Variants in NOX3 observed in about 807,000 individuals in gnomAD.
The protein encoded by NOX3 is NADPH oxidase catalytic subunit-like 3.
A neutral mutation model predicts 76.7 loss-of-function variants in NOX3; 74 were observed. That is an observed-to-expected ratio of 0.96 (90% CI 0.80 to 1.17). The LOEUF (loss-of-function observed/expected upper bound fraction) is 1.17, where lower values mean the gene tolerates loss of function less well. Ranked by LOEUF, NOX3 falls within the 50% of genes most tolerant of loss-of-function variation. The probability of loss-of-function intolerance (pLI) is 0.00; values close to 1 mark genes in which losing one functional copy is unlikely to be tolerated. For synonymous variants in NOX3, 263 were observed against 261.1 expected (o/e 1.01, Z -0.07); for missense variants, 695 against 703.3 (o/e 0.99, Z 0.13).
At chr6:155,408,953 G>T (rs530015765) in intron 11 of NOX3, among the ~76,000 whole-genome samples, 4 of 151,378 alleles carry the variant, frequency 2.6e-5, no homozygotes, top group Non-Finnish European at 5.9e-5. Flanking sequence ...GGCTCCAAAA[G>T]GGGGGGAGGG....
At chr6:155,450,497 C>G (rs1777119618) in intron 4 of NOX3, among the ~76,000 whole-genome samples, 1 of 152,186 alleles carries the variant, frequency 6.6e-6, no homozygotes, top group Non-Finnish European at 1.5e-5. Context: ...TTGAGGACCT[C>G]CTGTGCGCCA....
At chr6:155,445,981 CTATA>C (rs61040526) in intron 4 of NOX3, among the ~76,000 whole-genome samples, 4 of 104,188 alleles carry the variant, frequency 3.8e-5, no homozygotes, top group East Asian at 2.1e-4. Flanking sequence ...TATATATATG[CTATA>C]TATATATATA....
Position 155,453,428 on chromosome 6 carries a change from C to T in NOX3, c.316G>A (p.Ala106Thr), listed in dbSNP as rs941574597. ...CTTGCATTAACAGCTATCCCATAGGCGACCAGTTTGTGAAATCTGAGGTTT... is the reference window on the plus strand; with the variant it reads ...CTTGCATTAACAGCTATCCCATAGGTGACCAGTTTGTGAAATCTGAGGTTT... ...DKNLRFHKLV[A>T]YGIAVNATIH... is the part of the protein sequence containing the mutation. Residue 106 changes from alanine (A) to threonine (T), a missense_variant, in exon 4 of 14, where the codon GCC becomes ACC. Coordinates refer to ENST00000159060, the MANE Select transcript of NOX3 (RefSeq NM_015718.3). The T allele has an allele frequency of 1.5e-5, 24 of 1,613,468 alleles. No individual in the cohort carries two copies. The highest frequency in any genetic ancestry group is 4.0e-5 in the African/African-American group (3 of 75,002).
At chr6:155,403,444 A>G (rs10484603) in intron 12 of NOX3, among the ~76,000 whole-genome samples, 9,126 of 152,264 alleles carry the variant, frequency 0.06, 359 homozygotes, top group Non-Finnish European at 0.09. Context: ...GTCTAAGGCT[A>G]TTACAAATAT....
intron 9 of NOX3, among the ~76,000 whole-genome samples, chr6:155,426,810 T>A (rs937451506): frequency 1.3e-5 from 2 of 152,048 alleles, no homozygotes; most frequent in Non-Finnish European, 2.9e-5. Flanking sequence ...AGTACTGAGT[T>A]CTTCTTGGGG....
At chr6:155,402,426 A>G (rs1413545924) in intron 12 of NOX3, among the ~76,000 whole-genome samples, 1 of 152,224 alleles carries the variant, frequency 6.6e-6, no homozygotes, top group Non-Finnish European at 1.5e-5. Flanking sequence ...GTGTTTTTGT[A>G]ATATAGCTAA....
chr6:155,418,923 C>T (rs1776654913), intron 10 of NOX3, among the ~76,000 whole-genome samples: 1 of 152,258 alleles, frequency 6.6e-6, no homozygotes. Context: ...CACCTAATCG[C>T]AGTTAACCAT....
intron 5 of NOX3, among the ~76,000 whole-genome samples, chr6:155,440,874 C>T (rs541918861): frequency 1.8e-4 from 27 of 152,236 alleles, no homozygotes; most frequent in Non-Finnish European, 3.2e-4. Flanking sequence ...TCCCTTGGGG[C>T]GTTCCTAATA....
chr6:155,426,520 C>T (rs1356155687), intron 9 of NOX3, among the ~76,000 whole-genome samples: 1 of 152,116 alleles, frequency 6.6e-6, no homozygotes, highest in Non-Finnish European at 1.5e-5. Context: ...AAGCAAAGGC[C>T]TCACTAGAAG....
chr6:155,407,311 A>T, intron 11 of NOX3, 57 bp from the exon 12 acceptor site: 1 of 1,466,098 alleles, frequency 6.8e-7, no homozygotes, highest in Admixed American at 1.9e-5. Flanking sequence ...AGACTTCTAT[A>T]AATAAAGAAT....
At chr6:155,417,218 T>C (rs1776632243) in intron 10 of NOX3, among the ~76,000 whole-genome samples, 1 of 152,192 alleles carries the variant, frequency 6.6e-6, no homozygotes, top group Admixed American at 6.5e-5. Context: ...TCCTCTGCCT[T>C]CTACACACAC....
chr6:155,447,953 T>C (rs1386929204), intron 4 of NOX3, among the ~76,000 whole-genome samples: 2 of 152,212 alleles, frequency 1.3e-5, no homozygotes, highest in African/African-American at 2.4e-5. Context: ...TTTAAAAATA[T>C]AAGTAGCCAT....
chr6:155,401,404 A>G (rs1779224292), intron 12 of NOX3, among the ~76,000 whole-genome samples: 1 of 152,170 alleles, frequency 6.6e-6, no homozygotes, highest in South Asian at 2.1e-4. Flanking sequence ...AGTATTCTGA[A>G]CATTTTAGTC....
At chr6:155,452,030 A>G (rs1240542749) in intron 4 of NOX3, among the ~76,000 whole-genome samples, 4 of 152,108 alleles carry the variant, frequency 2.6e-5, no homozygotes, top group Non-Finnish European at 5.9e-5. Context: ...AAGCTATTGT[A>G]TTGTGATAAT....
intron 3 of NOX3, among the ~76,000 whole-genome samples, chr6:155,454,294 G>C (rs918228638): frequency 1.3e-5 from 2 of 152,136 alleles, no homozygotes; most frequent in Non-Finnish European, 2.9e-5. Flanking sequence ...GTTTTTGAAG[G>C]TCTCATTCTC....
chr6:155,415,330 C>T (rs1317422506), intron 10 of NOX3, among the ~76,000 whole-genome samples: 1 of 152,206 alleles, frequency 6.6e-6, no homozygotes, highest in Middle Eastern at 3.2e-3. Flanking sequence ...ACTCTCTAAT[C>T]AAAGTTGGAT....
At chr6:155,410,481 C>T (rs544651614) in intron 11 of NOX3, among the ~76,000 whole-genome samples, 3 of 152,074 alleles carry the variant, frequency 2.0e-5, no homozygotes, top group African/African-American at 2.4e-5. Context: ...GTAATCACTT[C>T]GTTGTTAATT....
chr6:155,448,703 C>A (rs1006487029), intron 4 of NOX3, among the ~76,000 whole-genome samples: 1 of 148,156 alleles, frequency 6.7e-6, no homozygotes, highest in Non-Finnish European at 1.5e-5. Context: ...TGAGAAAGTT[C>A]TTTTACCTTC....
At chr6:155,404,902 C>G (rs1776424824) in intron 12 of NOX3, among the ~76,000 whole-genome samples, 3 of 152,128 alleles carry the variant, frequency 2.0e-5, no homozygotes, top group South Asian at 4.1e-4. Context: ...CCTTCCACAT[C>G]TCCCTCCTCA....
Sources: allele counts gnomAD v4.1 joint callset (sites outside exome capture counted in the v4.1 genomes callset), GRCh38; gene constraint gnomAD v4.1.1; transcripts MANE v1.5; gene names NCBI Gene and HGNC (gene_info 2026-07-23, HGNC 2026-07-21).